Variants in CTNND2 observed in about 807,000 individuals in gnomAD.
The protein encoded by CTNND2 is catenin delta-2.
In CTNND2, 22 loss-of-function variants were observed where a neutral mutation model predicts 144.4. That is an observed-to-expected ratio of 0.15 (90% CI 0.11 to 0.22). CTNND2 has a LOEUF of 0.22. CTNND2 is among the 10% of genes least tolerant of loss of function. The pLI, the probability that CTNND2 is intolerant of heterozygous loss-of-function variation, is 1.00. For missense variants in CTNND2, 1,353 were observed against 1,618.8 expected (o/e 0.84, Z 2.82); for synonymous variants, 751 against 695.6 (o/e 1.08, Z -1.25).
chr5:11,814,489 A>G (rs1003029015), intron 1 of CTNND2, among the ~76,000 whole-genome samples: 2 of 152,232 alleles, frequency 1.3e-5, no homozygotes, highest in African/African-American at 4.8e-5. Flanking sequence ...AATTTACTTT[A>G]AAGTTTGCAA....
intron 11 of CTNND2, among the ~76,000 whole-genome samples, chr5:11,171,999 A>G (rs1206215543): frequency 6.6e-6 from 1 of 152,226 alleles, no homozygotes; most frequent in East Asian, 1.9e-4. Flanking sequence ...CATTCGGACA[A>G]TTGTGGTCTT....
intron 9 of CTNND2, among the ~76,000 whole-genome samples, chr5:11,309,266 C>A (rs1339958196): frequency 6.6e-6 from 1 of 152,214 alleles, no homozygotes. Context: ...AAGTCACAGG[C>A]ACTCAACGCC....
intron 3 of CTNND2, among the ~76,000 whole-genome samples, chr5:11,416,232 T>C (rs1761926607): frequency 6.6e-6 from 1 of 152,224 alleles, no homozygotes; most frequent in Admixed American, 6.5e-5. Context: ...TATTTATTTT[T>C]CTGTTCATCT....
chr5:11,651,122 A>G (rs1782626823), intron 2 of CTNND2, among the ~76,000 whole-genome samples: 1 of 152,178 alleles, frequency 6.6e-6, no homozygotes, highest in South Asian at 2.1e-4. Context: ...AGGCAGGAAT[A>G]ATGGTTTTAA....
At chr5:11,225,523 T>C (rs1194778508) in intron 10 of CTNND2, among the ~76,000 whole-genome samples, 1 of 152,190 alleles carries the variant, frequency 6.6e-6, no homozygotes, top group Non-Finnish European at 1.5e-5. Flanking sequence ...CAGCTACCCC[T>C]CCTTTGACCA....
chr5:11,168,630 T>C (rs6860246), intron 11 of CTNND2, among the ~76,000 whole-genome samples: 90,391 of 151,976 alleles, frequency 0.59, 28,120 homozygotes, highest in African/African-American at 0.78. Context: ...TCCTGGAACT[T>C]TTTTCCTAAA....
At chr5:11,312,165 C>T in intron 9 of CTNND2, among the ~76,000 whole-genome samples, 2 of 143,532 alleles carry the variant, frequency 1.4e-5, no homozygotes, top group East Asian at 2.2e-4. Context: ...ACTCCCCATA[C>T]ACCGTCATCC....
chr5:11,375,605 G>A lies in CTNND2; in HGVS notation c.1177+9060C>T, dbSNP rs140612153. Among the ~76,000 whole-genome samples, 186 of 152,132 alleles carry A rather than the reference G, an allele frequency of 1.2e-3. 1 individual carries two copies. The highest frequency in any genetic ancestry group is 3.4e-3 in the Middle Eastern group (1 of 294). On this transcript the variant is annotated intron_variant, in intron 7 of 21. Transcript: ENST00000304623. ...TGTATGTATAATGATCATTTGAATC[G>A]CAGTTGTATTCATTAAAACATTAAT...
At chr5:11,547,150 C>T (rs142699014) in intron 3 of CTNND2, among the ~76,000 whole-genome samples, 1 of 152,146 alleles carries the variant, frequency 6.6e-6, no homozygotes, top group East Asian at 1.9e-4. Context: ...CACCTGTAAT[C>T]TCAGCTACTT....
chr5:11,769,922 A>T (rs1789821358), intron 1 of CTNND2, among the ~76,000 whole-genome samples: 1 of 152,234 alleles, frequency 6.6e-6, no homozygotes, highest in African/African-American at 2.4e-5. Context: ...ATAAAATTAA[A>T]CATTCAACTT....
At chr5:11,594,266 T>C (rs73054073) in intron 2 of CTNND2, among the ~76,000 whole-genome samples, 7,139 of 152,238 alleles carry the variant, frequency 0.047, 285 homozygotes, top group East Asian at 0.14. Context: ...CTCACACACA[T>C]AACAGTGAGC....
intron 1 of CTNND2, among the ~76,000 whole-genome samples, chr5:11,826,512 C>T (rs1023075635): frequency 4.0e-5 from 6 of 151,890 alleles, no homozygotes; most frequent in African/African-American, 1.4e-4. Context: ...ACAATAATCA[C>T]ATGAAATGCA....
At chr5:11,017,583 C>CAT (rs767090186) in intron 18 of CTNND2, among the ~76,000 whole-genome samples, 23 of 135,678 alleles carry the variant, frequency 1.7e-4, no homozygotes, top group Non-Finnish European at 2.4e-4. Flanking sequence ...TATATCTTTC[C>CAT]ATATATATAT....
At chr5:11,516,541 C>T (rs1219631995) in intron 3 of CTNND2, among the ~76,000 whole-genome samples, 1 of 151,966 alleles carries the variant, frequency 6.6e-6, no homozygotes. Context: ...CATTTCTATA[C>T]ACTAGAAATA....
chr5:11,668,153 T>C (rs572943735), intron 2 of CTNND2, among the ~76,000 whole-genome samples: 1 of 152,354 alleles, frequency 6.6e-6, no homozygotes, highest in African/African-American at 2.4e-5. Context: ...TACCATGCTG[T>C]TTTGGTTACT....
At chr5:11,316,599 T>C (rs1029683471) in intron 9 of CTNND2, among the ~76,000 whole-genome samples, 9 of 151,766 alleles carry the variant, frequency 5.9e-5, no homozygotes, top group African/African-American at 2.2e-4. Context: ...CATTAACTCG[T>C]CATTTAGCAT....
At chr5:11,129,792 C>T (rs1460572866) in intron 12 of CTNND2, among the ~76,000 whole-genome samples, 1 of 152,100 alleles carries the variant, frequency 6.6e-6, no homozygotes, top group African/African-American at 2.4e-5. Context: ...GCAGTGCAGC[C>T]TCGTTATTTT....
At chr5:11,249,345 C>G (rs186454384) in intron 9 of CTNND2, among the ~76,000 whole-genome samples, 1 of 152,174 alleles carries the variant, frequency 6.6e-6, no homozygotes, top group Non-Finnish European at 1.5e-5. Context: ...CCATGGGAAA[C>G]CATGGGACAT....
At chr5:11,011,236 CAG>C (rs964138261) in intron 18 of CTNND2, among the ~76,000 whole-genome samples, 2 of 152,138 alleles carry the variant, frequency 1.3e-5, no homozygotes, top group Non-Finnish European at 2.9e-5. Flanking sequence ...TTTTTTGAGA[CAG>C]GGCCTCACTC....
Sources: allele counts gnomAD v4.1 joint callset (sites outside exome capture counted in the v4.1 genomes callset), GRCh38; gene constraint gnomAD v4.1.1; transcripts MANE v1.5; gene names NCBI Gene and HGNC (gene_info 2026-07-23, HGNC 2026-07-21).